RGS20: variants seen among roughly 807,000 people sequenced by gnomAD.
The protein encoded by RGS20 is gz-selective GTPase-activating protein.
A neutral mutation model predicts 33.6 loss-of-function variants in RGS20; 30 were observed. That is an observed-to-expected ratio of 0.89 (90% confidence interval 0.67 to 1.21). The LOEUF (loss-of-function observed/expected upper bound fraction) is 1.21, where lower values mean the gene tolerates loss of function less well. Among genes scored for constraint, RGS20 ranks in the 50% most tolerant of loss-of-function variants. RGS20 has a pLI of 0.00. For synonymous variants in RGS20, 208 were observed against 197.9 expected (o/e 1.05, Z -0.43); for missense variants, 472 against 502.4 (o/e 0.94, Z 0.58).
chr8:53,872,785 G>A (rs973635278), intron 1 of RGS20, among the ~76,000 whole-genome samples: 3 of 152,118 alleles, frequency 2.0e-5, no homozygotes, highest in Non-Finnish European at 2.9e-5. Flanking sequence ...TAACTCTGCC[G>A]TCCTTCCTCC....
chr8:53,889,801 C>T (rs987477844), intron 2 of RGS20, among the ~76,000 whole-genome samples: 1 of 151,954 alleles, frequency 6.6e-6, no homozygotes, highest in African/African-American at 2.4e-5. Flanking sequence ...TGCCTTTACA[C>T]TCTCATTCCA....
At chr8:53,910,257 T>C (rs1489416112) in intron 2 of RGS20, among the ~76,000 whole-genome samples, 1 of 152,108 alleles carries the variant, frequency 6.6e-6, no homozygotes, top group Non-Finnish European at 1.5e-5. Flanking sequence ...TTTGAGGGGC[T>C]CTTGCTTCAG....
intron 2 of RGS20, among the ~76,000 whole-genome samples, chr8:53,938,594 A>G (rs1230479479): frequency 6.6e-6 from 1 of 152,232 alleles, no homozygotes; most frequent in East Asian, 1.9e-4. Context: ...AGTATAGAGA[A>G]TTAGGTAATA....
chr8:53,877,205 G>T lies in RGS20; in HGVS notation c.166-2053G>T, dbSNP rs1377819029. On this transcript the variant is annotated intron_variant, in intron 1 of 5. Coordinates refer to ENST00000297313, the MANE Select transcript of RGS20 (RefSeq NM_170587.4). This position sits in a 1 kb window ranked among gnomAD's most constrained non-coding sequence, Gnocchi z 5.7. Reference sequence around the variant, plus strand: ...TCAAGCCCTTGCGTAGGGTCGGGAAGGCCGTGGGTGGGCTCAGTCAGGCTT... The same window carrying T: ...TCAAGCCCTTGCGTAGGGTCGGGAATGCCGTGGGTGGGCTCAGTCAGGCTT... 6.6e-6 allele frequency among the ~76,000 whole-genome samples: 1 copy of T among 152,214 alleles called. No individual in the cohort carries two copies. Among genetic ancestry groups the T allele is most frequent in the East Asian group, 1.9e-4 (1 of 5,202 alleles).
rs142086490 is a variant in RGS20, at chr8:53,869,869, G to T, written c.166-9389G>T. ...ATTGGCCAAGAGAGCAGAGAAAGGA[G>T]CGTGGCTTGGGGTTCATAGTGGGAC... On this transcript the variant is annotated intron_variant, in intron 1 of 5. Coordinates refer to ENST00000297313, the MANE Select transcript of RGS20 (RefSeq NM_170587.4). Among the ~76,000 whole-genome samples, 942 of 152,238 alleles carry T rather than the reference G, an allele frequency of 6.2e-3. 5 individuals carry two copies. The highest frequency in any genetic ancestry group is 0.014 in the Middle Eastern group (4 of 294).
At chr8:53,871,581 C>T (rs1812068502) in intron 1 of RGS20, among the ~76,000 whole-genome samples, 1 of 151,624 alleles carries the variant, frequency 6.6e-6, no homozygotes, top group African/African-American at 2.4e-5. Flanking sequence ...CATGCCACTG[C>T]ACTCCAGCTT....
intron 2 of RGS20, among the ~76,000 whole-genome samples, chr8:53,905,628 A>G (rs1285380594): frequency 6.6e-6 from 1 of 152,088 alleles, no homozygotes; most frequent in East Asian, 1.9e-4. Context: ...CCTGTTTGTG[A>G]CTTCAGCAGC....
chr8:53,874,403 C>T (rs6996276), intron 1 of RGS20, among the ~76,000 whole-genome samples: 24 of 115,622 alleles, frequency 2.1e-4, no homozygotes, highest in Admixed American at 6.0e-4. Context: ...TGTGTGTGTG[C>T]GCGCGCGTGT....
chr8:53,954,043 C>T, intron 4 of RGS20, 33 bp from the exon 4 acceptor site: 1 of 1,415,156 alleles, frequency 7.1e-7, no homozygotes, highest in Admixed American at 1.7e-5. Flanking sequence ...CTAACAGTTC[C>T]CTTTTGCCCC....
intron 5 of RGS20, among the ~76,000 whole-genome samples, chr8:53,957,636 G>T (rs1298189585): frequency 6.6e-6 from 1 of 152,218 alleles, no homozygotes; most frequent in Non-Finnish European, 1.5e-5. Context: ...CAAAGCAGCA[G>T]TGTGAGCCCT....
intron 2 of RGS20, among the ~76,000 whole-genome samples, chr8:53,884,866 G>A (rs563270718): frequency 3.9e-5 from 6 of 152,164 alleles, no homozygotes; most frequent in Non-Finnish European, 5.9e-5. Flanking sequence ...CACATGACTC[G>A]CCTCAGGTAA....
chr8:53,886,027 A>G (rs1585887587), intron 2 of RGS20, among the ~76,000 whole-genome samples: 1 of 152,184 alleles, frequency 6.6e-6, no homozygotes, highest in Non-Finnish European at 1.5e-5. Flanking sequence ...CCAATTGGGA[A>G]TATTTCAGAT....
Position 53,939,695 on chromosome 8 carries a change from C to G in RGS20, c.630C>G (p.Phe210Leu), listed in dbSNP as rs376389206. 1.3e-6 allele frequency: 2 copies of G among 1,563,310 alleles called. No individual in the cohort carries two copies. Among genetic ancestry groups the G allele is most frequent in the African/African-American group, 2.7e-5 (2 of 74,044 alleles). Residue 210 changes from phenylalanine (F) to leucine (L), a missense_variant, in exon 3 of 6, where the codon TTC becomes TTG. Transcript: ENST00000297313. The stretch of plus-strand genomic sequence containing the variant: ...GTCGCGGGTCCAACGCATGCTGCTT[C>G]TGCTGGTGCTGCTGTTGTAGCTGCT...
At chr8:53,946,469 T>C (rs16919699) in intron 3 of RGS20, 196 bp from the exon 3 acceptor site, 247,654 of 636,762 alleles carry the variant, frequency 0.39, 52,095 homozygotes, top group East Asian at 0.71. Context: ...AACCACAACG[T>C]TTATTTATAT....
chr8:53,954,989 C>T (rs1239961425), intron 5 of RGS20, among the ~76,000 whole-genome samples: 2 of 151,430 alleles, frequency 1.3e-5, no homozygotes, highest in Non-Finnish European at 2.9e-5. Flanking sequence ...CCCGGCCTCG[C>T]CATTACTTTT....
chr8:53,936,826 G>A lies in RGS20; in HGVS notation c.511-2750G>A, dbSNP rs544997253. 1.2e-4 allele frequency among the ~76,000 whole-genome samples: 18 copies of A among 152,214 alleles called. No homozygotes were observed. The East Asian group carries it at 2.5e-3, about 21-fold the overall frequency. On this transcript the variant is annotated intron_variant, in intron 2 of 5. Coordinates refer to ENST00000297313, the MANE Select transcript of RGS20 (RefSeq NM_170587.4). ...AAAAGAACAAAGCTGGAGGCATCACGCTACCTGACTTTAAACTATACTACA... is the reference window on the plus strand; with the variant it reads ...AAAAGAACAAAGCTGGAGGCATCACACTACCTGACTTTAAACTATACTACA...
intron 4 of RGS20, among the ~76,000 whole-genome samples, chr8:53,948,948 A>G (rs1280860136): frequency 1.2e-5 from 1 of 85,974 alleles, no homozygotes; most frequent in Non-Finnish European, 2.0e-5. Flanking sequence ...ATATTTACAT[A>G]TGCTATATAA....
chr8:53,880,855 G>T lies in RGS20; in HGVS notation c.510+1253G>T. On this transcript the variant is annotated intron_variant, in intron 2 of 5. Transcript: ENST00000297313. Reference sequence around the variant, plus strand: ...TTGCCCGGCCGGGTAAAAGGAGTGAGGGGGCGGGGAGGAGGCAGAGCAAGG... The same window carrying T: ...TTGCCCGGCCGGGTAAAAGGAGTGATGGGGCGGGGAGGAGGCAGAGCAAGG... 7.0e-7 allele frequency: 1 copy of T among 1,421,686 alleles called. No individual in the cohort carries two copies. Among genetic ancestry groups the T allele is most frequent in the Non-Finnish European group, 9.2e-7 (1 of 1,086,352 alleles). 88.1% of individuals were successfully genotyped at this position (1,421,686 alleles called of 1,614,324 possible).
intron 2 of RGS20, among the ~76,000 whole-genome samples, chr8:53,892,688 G>T (rs1812746957): frequency 6.6e-6 from 1 of 152,180 alleles, no homozygotes; most frequent in Non-Finnish European, 1.5e-5. Flanking sequence ...TACATGTACA[G>T]CAGAGGGTTC....
Sources: allele counts gnomAD v4.1 joint callset (sites outside exome capture counted in the v4.1 genomes callset), GRCh38; gene constraint gnomAD v4.1.1; non-coding constraint Gnocchi (gnomAD v3.1); transcripts MANE v1.5; gene names NCBI Gene and HGNC (gene_info 2026-07-23, HGNC 2026-07-21).